Variants in SCN9A observed in about 807,000 individuals in gnomAD.
The protein encoded by SCN9A is sodium channel protein type 9 subunit alpha.
A neutral mutation model predicts 187.0 loss-of-function variants in SCN9A; 131 were observed. The ratio of observed to expected loss-of-function variants is 0.70; its 90% CI spans 0.61 to 0.81. The LOEUF (loss-of-function observed/expected upper bound fraction) is 0.81, where lower values mean the gene tolerates loss of function less well. Among genes scored for constraint, SCN9A ranks in the 30% least tolerant of loss-of-function variants. The pLI is 0.00. For missense variants in SCN9A, 2,252 were observed against 2,396.6 expected (o/e 0.94, Z 1.26); for synonymous variants, 809 against 808.6 (o/e 1.00, Z -0.01).
Position 166,375,752 on chromosome 2 carries a change from A to C in SCN9A, c.-106T>G, listed in dbSNP as rs1475793033. On this transcript the variant is annotated 5_prime_UTR_variant, in exon 1 of 27. Coordinates refer to ENST00000642356, the MANE Select transcript of SCN9A (RefSeq NM_001365536.1). ...CAGTGCACCTGCAGAATCTGGCTCCAGGAGAGGGCGCGGGCCTCTCCTTCC... is the reference window on the plus strand; with the variant it reads ...CAGTGCACCTGCAGAATCTGGCTCCCGGAGAGGGCGCGGGCCTCTCCTTCC... 1 of 152,296 alleles carries C rather than the reference A, an allele frequency of 6.6e-6. No homozygotes were observed. The highest frequency in any genetic ancestry group is 2.4e-5 in the African/African-American group (1 of 41,462). The allele number at this position is 152,296 out of a possible 1,614,324, so 9.4% of individuals were successfully genotyped here.
intron 17 of SCN9A, among the ~76,000 whole-genome samples, chr2:166,254,966 C>T (rs1696202774): frequency 6.6e-6 from 1 of 151,244 alleles, no homozygotes; most frequent in Non-Finnish European, 1.5e-5. Flanking sequence ...TTGACTGTGC[C>T]TTCTAAAAGT....
intron 18 of SCN9A, among the ~76,000 whole-genome samples, chr2:166,247,598 C>A (rs1368823190): frequency 6.6e-6 from 1 of 151,986 alleles, no homozygotes; most frequent in African/African-American, 2.4e-5. Flanking sequence ...CTCACTGCAA[C>A]CTCTGCCTCC....
chr2:166,272,233 C>G (rs368619782), intron 17 of SCN9A, among the ~76,000 whole-genome samples, 166 bp downstream of exon 17: 1 of 152,078 alleles, frequency 6.6e-6, no homozygotes, highest in African/African-American at 2.4e-5. Context: ...AGTAAGAAAA[C>G]TTTACCAGAT....
chr2:166,307,026 T>G lies in SCN9A; in HGVS notation c.307A>C (p.Thr103Pro), dbSNP rs759054169. ...GGAGAAAGCATATATAAAGCAGGTG[T>G]GGCATTGAAACGGAAGATTGTTTTC... Reference protein sequence around the residue: ...KGKTIFRFNATPALYMLSPFS... With the variant: ...KGKTIFRFNAPPALYMLSPFS... Residue 103 changes from threonine (T) to proline (P), a missense_variant, in exon 3 of 27, where the codon ACA becomes CCA. Transcript: ENST00000642356. The G allele has an allele frequency of 6.2e-7, 1 of 1,612,176 alleles. No homozygotes were observed. Among genetic ancestry groups the G allele is most frequent in the Non-Finnish European group, 8.5e-7 (1 of 1,178,454 alleles).
At chr2:166,237,194 T>C (rs947874997) in intron 20 of SCN9A, among the ~76,000 whole-genome samples, 4 of 151,212 alleles carry the variant, frequency 2.6e-5, no homozygotes, top group Admixed American at 6.6e-5. Flanking sequence ...TAAGTTATAT[T>C]ATTAAAATAT....
chr2:166,244,398 T>G (rs1032563578), intron 18 of SCN9A, among the ~76,000 whole-genome samples: 27 of 152,080 alleles, frequency 1.8e-4, no homozygotes, highest in African/African-American at 6.5e-4. Context: ...GTTGTTAAAC[T>G]GTCAGAAATT....
chr2:166,285,809 A>G (rs1416162322), intron 11 of SCN9A, among the ~76,000 whole-genome samples: 1 of 152,134 alleles, frequency 6.6e-6, no homozygotes, highest in Non-Finnish European at 1.5e-5. Context: ...GAAAAGAGAA[A>G]GGGAAAGAGA....
chr2:166,278,524 C>T (rs572169781), intron 14 of SCN9A, among the ~76,000 whole-genome samples: 1 of 152,300 alleles, frequency 6.6e-6, no homozygotes, highest in African/African-American at 2.4e-5. Flanking sequence ...AAAGCTCTAA[C>T]TGTCCTGTCA....
rs2105330835 is a variant in SCN9A at position 166,371,122 on chromosome 2, C to A, written c.-51+4575G>T. The stretch of plus-strand genomic sequence containing the variant: ...ACAGTAATATATGGCATTTTTGGCT[C>A]CATGTTATATCACTTTAAAAAATCT... On this transcript the variant is annotated intron_variant, in intron 1 of 26. Transcript: ENST00000642356. 2.0e-5 allele frequency among the ~76,000 whole-genome samples: 3 copies of A among 152,188 alleles called. No homozygotes were observed. In the East Asian group the frequency reaches 5.8e-4, roughly 29 times the overall value.
chr2:166,326,080 T>C (rs1208476719), intron 1 of SCN9A, among the ~76,000 whole-genome samples: 2 of 152,102 alleles, frequency 1.3e-5, no homozygotes, highest in Non-Finnish European at 2.9e-5. Context: ...AATTTCCAGA[T>C]GGATCTGAAA....
At chr2:166,209,495 C>A (rs377728417) in intron 24 of SCN9A, among the ~76,000 whole-genome samples, 42 of 151,940 alleles carry the variant, frequency 2.8e-4, no homozygotes, top group African/African-American at 9.4e-4. Context: ...CACACACACA[C>A]AAAAAGTCAA....
Position 166,251,776 on chromosome 2 carries a change from C to A in SCN9A, c.3461G>T (p.Cys1154Phe), listed in dbSNP as rs201193758. ...EPMNSDEPEA[C>F]FTDGCVWRFS... ...AATTTTTGTCTTACCATCTGTGAAACAGGCCTCTGGCTCATCGGAATTCAT... is the reference window on the plus strand; with the variant it reads ...AATTTTTGTCTTACCATCTGTGAAAAAGGCCTCTGGCTCATCGGAATTCAT... The change falls in exon 18 of 27, where the codon TGT becomes TTT. Residue 1154 changes from cysteine to phenylalanine, a missense_variant. Around this residue, in one of 7 missense-constraint regions of SCN9A, gnomAD observed 313 missense variants for 295.3 expected, o/e 1.06. Transcript: ENST00000642356. 15 of 1,612,442 alleles carry A rather than the reference C, an allele frequency of 9.3e-6. No individual in the cohort carries two copies. Among genetic ancestry groups the A allele is most frequent in the Non-Finnish European group, 1.2e-5 (14 of 1,179,004 alleles).
chr2:166,277,093 G>A lies in SCN9A; in HGVS notation c.2764C>T (p.Arg922Cys), dbSNP rs774848595. ...DFFHSFLIVF[R>C]VLCGEWIETM... is the part of the protein sequence containing the mutation. ...TCTATCCACTCTCCACACAGCACGCGGAACACAATCAGGAAGGAGTGGAAG... is the reference window on the plus strand; with the variant it reads ...TCTATCCACTCTCCACACAGCACGCAGAACACAATCAGGAAGGAGTGGAAG... The change falls in exon 16 of 27, where the codon CGC (arginine) becomes TGC (cysteine). Residue 922 changes from arginine to cysteine, a missense_variant. Arg to Cys is a radical substitution (Grantham distance 180). Transcript: ENST00000642356. The A allele has an allele frequency of 4.3e-6, 7 of 1,613,804 alleles. No homozygotes were observed. Among genetic ancestry groups the A allele is most frequent in the East Asian group, 2.2e-5 (1 of 44,858 alleles).
chr2:166,302,037 G>A (rs1382594782), intron 7 of SCN9A: 1 of 150,800 alleles, frequency 6.6e-6, no homozygotes, highest in Non-Finnish European at 1.5e-5. Flanking sequence ...GGACACATTT[G>A]GTAAAATAAG....
chr2:166,212,811 T>C (rs1464737333), intron 24 of SCN9A, among the ~76,000 whole-genome samples: 6 of 151,998 alleles, frequency 3.9e-5, no homozygotes, highest in East Asian at 1.9e-4. Context: ...GGAAGGAAAC[T>C]GGAAGTCAGT....
At chr2:166,200,066 C>T (rs1171471350) in intron 26 of SCN9A, among the ~76,000 whole-genome samples, 2 of 124,030 alleles carry the variant, frequency 1.6e-5, no homozygotes, top group Non-Finnish European at 3.2e-5. Flanking sequence ...GGCGCGATCT[C>T]GGCTCACTGC....
intron 1 of SCN9A, among the ~76,000 whole-genome samples, chr2:166,341,385 T>A (rs1231560349): frequency 6.6e-6 from 1 of 152,224 alleles, no homozygotes; most frequent in African/African-American, 2.4e-5. Flanking sequence ...CAAGTCATGT[T>A]TAAGGAAACA....
intron 18 of SCN9A, among the ~76,000 whole-genome samples, chr2:166,246,775 A>T (rs1319831807): frequency 6.6e-6 from 1 of 152,122 alleles, no homozygotes; most frequent in Non-Finnish European, 1.5e-5. Flanking sequence ...ATGATTGAGG[A>T]AATAAAAACA....
At position 166,204,347 on chromosome 2, in the gene SCN9A, T is replaced by A. The variant is rs892066112; in HGVS notation, c.4503+13A>T. ...TGAAAATCTATATGCTAAAGATATATATATTTTTTTACCCCTGGTCGAGGA... is the reference window on the plus strand; with the variant it reads ...TGAAAATCTATATGCTAAAGATATAAATATTTTTTTACCCCTGGTCGAGGA... On this transcript the variant is annotated intron_variant, in intron 25 of 26. Transcript: ENST00000642356. 6.3e-7 allele frequency: 1 copy of A among 1,587,494 alleles called. No individual in the cohort carries two copies. The highest frequency in any genetic ancestry group is 8.6e-7 in the Non-Finnish European group (1 of 1,159,182).
Sources: allele counts gnomAD v4.1 joint callset (sites outside exome capture counted in the v4.1 genomes callset), GRCh38; gene constraint gnomAD v4.1.1; regional missense constraint gnomAD v4.1.1; transcripts MANE v1.5; gene names NCBI Gene and HGNC (gene_info 2026-07-23, HGNC 2026-07-21).